The following RAD51B variants were observed in gnomAD, a reference collection of about 807,000 sequenced individuals.
RAD51B encodes the protein RAD51 paralog B.
RAD51B carries 38 observed loss-of-function variants against 42.2 expected under a neutral mutation model. That is an observed-to-expected ratio of 0.90 (90% CI 0.70 to 1.18). RAD51B has a LOEUF of 1.18. Ranked by LOEUF, RAD51B falls within the 50% of genes most tolerant of loss-of-function variation. The pLI, the probability that RAD51B is intolerant of heterozygous loss-of-function variation, is 0.00. For missense variants in RAD51B, 373 were observed against 400.7 expected, an observed-to-expected ratio of 0.93 and a Z score of 0.59; for synonymous variants, 154 against 145.2, an observed-to-expected ratio of 1.06 and a Z score of -0.43.
At chr14:68,548,901 C>T (rs1189851011) in intron 10 of RAD51B, among the ~76,000 whole-genome samples, 1 of 152,196 alleles carries the variant, frequency 6.6e-6, no homozygotes, top group Non-Finnish European at 1.5e-5. Flanking sequence ...GGCCATCAGT[C>T]CCCAGGGCCT....
intron 7 of RAD51B, among the ~76,000 whole-genome samples, chr14:68,030,023 T>C (rs892072593): frequency 7.2e-5 from 11 of 152,358 alleles, no homozygotes; most frequent in Admixed American, 7.2e-4. Flanking sequence ...GCAGTAAGTC[T>C]CAACACTGGA....
At position 68,210,246 on chromosome 14, in the gene RAD51B, A is replaced by G. The variant is rs377407031; in HGVS notation, c.757-81638A>G. Among the ~76,000 whole-genome samples the G allele has an allele frequency of 5.9e-5, 9 of 152,330 alleles. 1 individual carries two copies. Among genetic ancestry groups the G allele is most frequent in the African/African-American group, 2.2e-4 (9 of 41,580 alleles). ...AGTGCTAGGATTACAGGTGTGAGCC[A>G]CCGCACCCAGCCAGGAATATCTTTA... On this transcript the variant is annotated intron_variant, in intron 7 of 10. Coordinates refer to ENST00000471583, the MANE Select transcript of RAD51B (RefSeq NM_133510.4).
intron 7 of RAD51B, among the ~76,000 whole-genome samples, chr14:68,197,117 C>T (rs1441640148): frequency 1.3e-5 from 2 of 152,046 alleles, no homozygotes; most frequent in African/African-American, 2.4e-5. Flanking sequence ...GGTAAAATTT[C>T]TAGAGATTGA....
At chr14:68,227,880 T>C (rs1401737347) in intron 7 of RAD51B, among the ~76,000 whole-genome samples, 2 of 152,188 alleles carry the variant, frequency 1.3e-5, no homozygotes, top group Non-Finnish European at 2.9e-5. Context: ...TTAATTTTGT[T>C]CCTTTAGAAC....
chr14:68,098,140 C>T (rs2077226782), intron 7 of RAD51B, among the ~76,000 whole-genome samples: 1 of 152,190 alleles, frequency 6.6e-6, no homozygotes, highest in African/African-American at 2.4e-5. Flanking sequence ...TTCTCTTAAT[C>T]AACACAGGTT....
chr14:68,647,755 C>T (rs1015363166), intron 10 of RAD51B, among the ~76,000 whole-genome samples: 11 of 151,782 alleles, frequency 7.2e-5, no homozygotes, highest in African/African-American at 1.9e-4. Flanking sequence ...CTTTGCTCAC[C>T]GCAACCTCTG....
chr14:68,655,570 T>C (rs530612500), intron 11 of RAD51B, among the ~76,000 whole-genome samples: 2 of 152,312 alleles, frequency 1.3e-5, no homozygotes, highest in South Asian at 4.1e-4. Context: ...ATTTAGTTCA[T>C]CCTGGCTGAG....
At chr14:68,327,383 T>G (rs199706270) in intron 8 of RAD51B, among the ~76,000 whole-genome samples, 2,087 of 22,662 alleles carry the variant, frequency 0.092, 52 homozygotes, top group African/African-American at 0.15. Flanking sequence ...TTTTTTGTTG[T>G]TTTTTTTTTT....
At chr14:68,297,534 C>T (rs927148467) in intron 8 of RAD51B, among the ~76,000 whole-genome samples, 4 of 152,110 alleles carry the variant, frequency 2.6e-5, no homozygotes, top group African/African-American at 9.7e-5. Flanking sequence ...CCTTCACAGC[C>T]CAATCTCAGA....
At chr14:68,285,661 G>T (rs1412676062) in intron 7 of RAD51B, among the ~76,000 whole-genome samples, 1 of 152,206 alleles carries the variant, frequency 6.6e-6, no homozygotes, top group Non-Finnish European at 1.5e-5. Context: ...TTAGATTGTG[G>T]CAGGTTTCTG....
At chr14:68,378,418 G>C (rs1451400755) in intron 8 of RAD51B, among the ~76,000 whole-genome samples, 3 of 152,060 alleles carry the variant, frequency 2.0e-5, no homozygotes, top group Non-Finnish European at 2.9e-5. Flanking sequence ...TTTCTTTGTT[G>C]GTTGAAGTGA....
chr14:68,454,904 A>C (rs1304590527), intron 9 of RAD51B, among the ~76,000 whole-genome samples: 1 of 152,362 alleles, frequency 6.6e-6, no homozygotes, highest in East Asian at 1.9e-4. Flanking sequence ...TACACCAGGA[A>C]TCTAGAGGGC....
At chr14:68,638,754 G>A (rs554016230) in intron 10 of RAD51B, among the ~76,000 whole-genome samples, 3 of 152,236 alleles carry the variant, frequency 2.0e-5, no homozygotes, top group East Asian at 1.9e-4. Flanking sequence ...TCAGTCCCAC[G>A]TGACGCACAA....
At chr14:68,574,092 TTTTG>T (rs139231266) in intron 10 of RAD51B, among the ~76,000 whole-genome samples, 26 of 151,700 alleles carry the variant, frequency 1.7e-4, no homozygotes, top group African/African-American at 2.9e-4. Flanking sequence ...AATAGCTACT[TTTTG>T]TTTGTTTGTT....
intron 7 of RAD51B, among the ~76,000 whole-genome samples, chr14:67,950,217 C>A (rs569978171): frequency 7.9e-5 from 12 of 152,168 alleles, no homozygotes; most frequent in Admixed American, 2.0e-4. Context: ...ATTTTCCCCC[C>A]ACCTAGTGTG....
chr14:68,385,373 C>G (rs988116140), intron 8 of RAD51B, among the ~76,000 whole-genome samples: 2 of 152,214 alleles, frequency 1.3e-5, no homozygotes, highest in African/African-American at 4.8e-5. Context: ...CCCTAGCACT[C>G]TCTTCCCTTC....
intron 7 of RAD51B, among the ~76,000 whole-genome samples, chr14:68,260,881 G>A (rs879759341): frequency 1.3e-5 from 2 of 152,162 alleles, no homozygotes; most frequent in Non-Finnish European, 2.9e-5. Flanking sequence ...TGTCATATTT[G>A]AAGATATACT....
chr14:68,111,115 G>A (rs1189223072), intron 7 of RAD51B, among the ~76,000 whole-genome samples: 1 of 152,036 alleles, frequency 6.6e-6, no homozygotes, highest in African/African-American at 2.4e-5. Flanking sequence ...ATTGTAGGGG[G>A]TGGACCAAGT....
At chr14:67,870,977 G>C (rs1194908386) in intron 5 of RAD51B, among the ~76,000 whole-genome samples, 4 of 150,504 alleles carry the variant, frequency 2.7e-5, no homozygotes, top group African/African-American at 9.9e-5. Context: ...GCCCACAAGA[G>C]AAAGCAGGAA....
Sources: allele counts gnomAD v4.1 joint callset (sites outside exome capture counted in the v4.1 genomes callset), GRCh38; gene constraint gnomAD v4.1.1; transcripts MANE v1.5; gene names NCBI Gene and HGNC (gene_info 2026-07-23, HGNC 2026-07-21).